C9: variants seen among roughly 807,000 people sequenced by gnomAD.
The protein encoded by C9 is complement C9, also known as complement component C9.
In C9, 63 loss-of-function variants were observed where a neutral mutation model predicts 65.4. The observed-to-expected ratio is 0.96, with a 90% CI of 0.79 to 1.19. The LOEUF is 1.19. Among genes scored for constraint, C9 ranks in the 50% most tolerant of loss-of-function variants. The pLI, the probability that C9 is intolerant of heterozygous loss-of-function variation, is 0.00. For synonymous variants in C9, 229 were observed against 227.9 expected, an observed-to-expected ratio of 1.00 and a Z score of -0.04; for missense variants, 744 against 670.1, an observed-to-expected ratio of 1.11 and a Z score of -1.22.
intron 1 of C9, among the ~76,000 whole-genome samples, chr5:39,357,927 A>G (rs1754440209): frequency 6.6e-6 from 1 of 152,150 alleles, no homozygotes; most frequent in South Asian, 2.1e-4. Flanking sequence ...AAAGCCTTTC[A>G]CCACTGTGTA....
chr5:39,318,063 G>C (rs2111902032), intron 5 of C9, among the ~76,000 whole-genome samples: 1 of 151,836 alleles, frequency 6.6e-6, no homozygotes, highest in East Asian at 1.9e-4. Flanking sequence ...TCCTTCACTT[G>C]CTTTGTTAGC....
chr5:39,315,082 C>A (rs1476391477), intron 6 of C9, among the ~76,000 whole-genome samples: 1 of 152,034 alleles, frequency 6.6e-6, no homozygotes, highest in Non-Finnish European at 1.5e-5. Context: ...AATGTACAGA[C>A]CCATACAAAA....
chr5:39,299,742 G>A (rs190333), intron 9 of C9, among the ~76,000 whole-genome samples: 59,160 of 151,800 alleles, frequency 0.39, 12,063 homozygotes, highest in Non-Finnish European at 0.46. Flanking sequence ...TTTTCATGGT[G>A]GTTTCATGAT....
chr5:39,291,768 A>C (rs539954749), intron 9 of C9, among the ~76,000 whole-genome samples: 24 of 152,064 alleles, frequency 1.6e-4, no homozygotes, highest in African/African-American at 5.5e-4. Flanking sequence ...GAAATGTAAA[A>C]AATAAAAAGC....
At chr5:39,359,102 G>GTGTGTGTATA (rs1407613505) in intron 1 of C9, among the ~76,000 whole-genome samples, 63 of 103,542 alleles carry the variant, frequency 6.1e-4, no homozygotes, top group Non-Finnish European at 7.3e-4. Flanking sequence ...GTGTGTGTGT[G>GTGTGTGTATA]TATATATATA....
At chr5:39,349,599 C>G (rs990460555) in intron 1 of C9, among the ~76,000 whole-genome samples, 4 of 152,168 alleles carry the variant, frequency 2.6e-5, no homozygotes, top group Non-Finnish European at 4.4e-5. Context: ...AGTGAGCACC[C>G]TCGTCTCTTG....
chr5:39,327,227 A>G (rs1214813630), intron 5 of C9, among the ~76,000 whole-genome samples: 1 of 152,282 alleles, frequency 6.6e-6, no homozygotes, highest in East Asian at 1.9e-4. Flanking sequence ...ACTGCAGGCT[A>G]TAGATAGACA....
chr5:39,301,697 C>T (rs1753286767), intron 9 of C9, among the ~76,000 whole-genome samples: 1 of 146,228 alleles, frequency 6.8e-6, no homozygotes, highest in African/African-American at 2.5e-5. Flanking sequence ...CATAAGAGGA[C>T]ATCTGTATCA....
chr5:39,297,968 AG>A (rs1254332888), intron 9 of C9, among the ~76,000 whole-genome samples: 1 of 151,748 alleles, frequency 6.6e-6, no homozygotes, highest in Non-Finnish European at 1.5e-5. Flanking sequence ...AATAATACAA[AG>A]TATGTCCTCA....
At position 39,311,196 on chromosome 5, in the gene C9, G is replaced by T; in HGVS notation, c.1052C>A (p.Ser351Tyr). The change falls in exon 7 of 11, where the codon TCT becomes TAT. Residue 351 changes from serine (S) to tyrosine (Y), a missense_variant. Physicochemically the swap from Ser to Tyr is moderately radical, Grantham distance 144 (BLOSUM62 -2). Transcript: ENST00000263408. ...TATTAGTTCATAGAGTCCTCCTAGA[G>T]ACCCAGAGCTACTGTAGTGAGTTCC... ...TYGTHYSSSG[S>Y]LGGLYELIYV... 1 of 1,612,794 alleles carries T rather than the reference G, an allele frequency of 6.2e-7. No individual in the cohort carries two copies. The highest frequency in any genetic ancestry group is 8.5e-7 in the Non-Finnish European group (1 of 1,178,834).
intron 7 of C9, among the ~76,000 whole-genome samples, 177 bp from the exon 8 acceptor site, chr5:39,308,535 C>T (rs1274522507): frequency 1.3e-5 from 2 of 152,108 alleles, no homozygotes; most frequent in South Asian, 2.1e-4. Flanking sequence ...TAGTGACCTC[C>T]TTTTGACTTT....
intron 1 of C9, among the ~76,000 whole-genome samples, chr5:39,346,099 C>T (rs1021302774): frequency 2.0e-5 from 3 of 152,084 alleles, no homozygotes; most frequent in Admixed American, 6.5e-5. Context: ...CCTAACATCA[C>T]AATTAAAAGA....
intron 9 of C9, among the ~76,000 whole-genome samples, chr5:39,295,843 CA>C (rs1417797745): frequency 1.3e-5 from 2 of 151,626 alleles, no homozygotes; most frequent in Non-Finnish European, 3.0e-5. Context: ...GGCACATAAG[CA>C]AATGGAACAG....
At chr5:39,302,460 T>C (rs1753302662) in intron 9 of C9, among the ~76,000 whole-genome samples, 3 of 152,138 alleles carry the variant, frequency 2.0e-5, no homozygotes, top group Non-Finnish European at 4.4e-5. Flanking sequence ...GTTGATAGAA[T>C]GAGTGTTGTT....
At chr5:39,301,397 G>GA (rs201740612) in intron 9 of C9, among the ~76,000 whole-genome samples, 23 of 146,250 alleles carry the variant, frequency 1.6e-4, no homozygotes, top group Non-Finnish European at 2.3e-4. Flanking sequence ...CCTGAAACAG[G>GA]AAAAAAAAAA....
Position 39,311,366 on chromosome 5 carries a change from A to T in C9, c.882T>A (p.Phe294Leu). The T allele has an allele frequency of 6.2e-7, 1 of 1,612,346 alleles. No homozygotes were observed. The change falls in exon 7 of 11, where the codon TTT becomes TTA. Residue 294 changes from phenylalanine (F) to leucine (L), a missense_variant. Coordinates refer to ENST00000263408, the MANE Select transcript of C9 (RefSeq NM_001737.5). ...LSYSSKKEKMFLHVKGEIHLG... is the reference protein window; with the variant it reads ...LSYSSKKEKMLLHVKGEIHLG... ...GATGAATTTCTCCTTTCACATGCAG[A>T]AACATTTTTTCCTGTGTTGTAGAGC...
At chr5:39,337,009 T>C (rs1013152939) in intron 4 of C9, among the ~76,000 whole-genome samples, 2 of 151,632 alleles carry the variant, frequency 1.3e-5, no homozygotes, top group African/African-American at 4.9e-5. Flanking sequence ...TATAGTAAAA[T>C]GTGAGTGTGA....
At chr5:39,324,478 T>C (rs1329853789) in intron 5 of C9, among the ~76,000 whole-genome samples, 1 of 152,146 alleles carries the variant, frequency 6.6e-6, no homozygotes, top group East Asian at 1.9e-4. Flanking sequence ...AAGGCAATTA[T>C]CAACTCAGCA....
At chr5:39,335,951 T>C (rs1247294376) in intron 4 of C9, among the ~76,000 whole-genome samples, 1 of 152,194 alleles carries the variant, frequency 6.6e-6, no homozygotes, top group South Asian at 2.1e-4. Flanking sequence ...TTGTCTCCGC[T>C]ATAAAGGAAT....
Sources: gnomAD v4.1 joint callset for allele counts (sites outside exome capture counted in the v4.1 genomes callset) on GRCh38, gnomAD v4.1.1 for gene constraint, MANE v1.5 for transcripts, NCBI Gene and HGNC (gene_info 2026-07-23, HGNC 2026-07-21) for gene names.